Variants in ERBB4 observed in about 807,000 individuals in gnomAD.
The protein encoded by ERBB4 is erb-b2 receptor tyrosine kinase 4.
A neutral mutation model predicts 158.0 loss-of-function variants in ERBB4; 42 were observed. The ratio of observed to expected loss-of-function variants is 0.27; its 90% CI spans 0.21 to 0.34. ERBB4 has a LOEUF of 0.34. Among genes scored for constraint, ERBB4 ranks in the 10% least tolerant of loss-of-function variants. The pLI is 1.00. For synonymous variants in ERBB4, 583 were observed against 558.7 expected (o/e 1.04, Z -0.61); for missense variants, 1,333 against 1,624.1 (o/e 0.82, Z 3.08).
At chr2:211,804,114 A>G (rs1302396116) in intron 3 of ERBB4, among the ~76,000 whole-genome samples, 1 of 152,194 alleles carries the variant, frequency 6.6e-6, no homozygotes, top group Admixed American at 6.5e-5. Context: ...TCCACGTGTA[A>G]ATTTTGAATA....
intron 1 of ERBB4, among the ~76,000 whole-genome samples, chr2:212,465,299 G>T (rs1688777018): frequency 6.6e-6 from 1 of 151,938 alleles, no homozygotes; most frequent in Non-Finnish European, 1.5e-5. Context: ...CTAAAGTTAA[G>T]CCCTGACAAC....
At chr2:212,269,919 A>C (rs1472799602) in intron 1 of ERBB4, among the ~76,000 whole-genome samples, 4 of 151,788 alleles carry the variant, frequency 2.6e-5, no homozygotes, top group Non-Finnish European at 5.9e-5. Flanking sequence ...CACGTCAAAG[A>C]AATTCAATAT....
At chr2:212,512,973 G>A (rs1691608707) in intron 1 of ERBB4, among the ~76,000 whole-genome samples, 1 of 151,956 alleles carries the variant, frequency 6.6e-6, no homozygotes, top group African/African-American at 2.4e-5. Flanking sequence ...AACTATTGTT[G>A]CAGTTTCCCC....
chr2:211,480,329 C>T lies in ERBB4; in HGVS notation c.2488-49229G>A, dbSNP rs113733122. On this transcript the variant is annotated intron_variant, in intron 20 of 27. Transcript: ENST00000342788. ...AAATCTCATGTCGAATTGTAATCCA[C>T]GGCATTGGGAGAGGGACCTGGTGAG... Among the ~76,000 whole-genome samples the T allele has an allele frequency of 6.6e-3, 1,006 of 152,242 alleles. 18 individuals are homozygous for T. Among genetic ancestry groups the T allele is most frequent in the African/African-American group, 0.023 (957 of 41,524 alleles).
chr2:211,750,566 G>T, intron 5 of ERBB4, 73 bp downstream of exon 5: 2 of 1,253,152 alleles, frequency 1.6e-6, no homozygotes, highest in Non-Finnish European at 2.3e-6. Context: ...GATGACCAGA[G>T]GCATGAAATG....
At chr2:211,586,071 T>G (rs2125782139) in intron 19 of ERBB4, among the ~76,000 whole-genome samples, 1 of 152,260 alleles carries the variant, frequency 6.6e-6, no homozygotes, top group African/African-American at 2.4e-5. Flanking sequence ...TGTGATGAAG[T>G]AGAGTTTTAT....
chr2:212,168,463 A>C (rs2081416426), intron 1 of ERBB4, among the ~76,000 whole-genome samples: 1 of 152,126 alleles, frequency 6.6e-6, no homozygotes, highest in Non-Finnish European at 1.5e-5. Context: ...TTCAAGAGAC[A>C]GTTTCTAATG....
chr2:212,307,272 G>A (rs12468462), intron 1 of ERBB4, among the ~76,000 whole-genome samples: 31,737 of 150,726 alleles, frequency 0.21, 3,536 homozygotes, highest in South Asian at 0.31. Context: ...AAGAGATGAG[G>A]AGAGCAAAGA....
In ERBB4 at chr2:212,466,578, G is replaced by T. The variant is rs188423018; in HGVS notation, c.82+71871C>A. Among the ~76,000 whole-genome samples, 861 of 152,272 alleles carry T rather than the reference G, an allele frequency of 5.7e-3. 2 individuals carry two copies. The highest frequency in any genetic ancestry group is 0.02 in the African/African-American group (822 of 41,550). On this transcript the variant is annotated intron_variant, in intron 1 of 27. Transcript: ENST00000342788. ...CTGCCATCCAAGTAAGATATGACTT[G>T]CTCCTACTTGCCTTCTGCCATGATT...
At chr2:211,854,506 G>C (rs13029161) in intron 3 of ERBB4, among the ~76,000 whole-genome samples, 33,000 of 151,992 alleles carry the variant, frequency 0.22, 3,719 homozygotes, top group South Asian at 0.33. Context: ...CCTTTCAACA[G>C]GCAATGCCAT....
chr2:211,783,429 C>G (rs896104175), intron 4 of ERBB4, among the ~76,000 whole-genome samples: 4 of 152,252 alleles, frequency 2.6e-5, no homozygotes, highest in African/African-American at 9.6e-5. Context: ...TGAGAGAGGG[C>G]ATCCCTGTCT....
chr2:211,913,623 G>A (rs879634200), intron 3 of ERBB4, among the ~76,000 whole-genome samples: 7,488 of 97,620 alleles, frequency 0.077, 246 homozygotes, highest in Non-Finnish European at 0.12. Flanking sequence ...ATATATATGT[G>A]TGTGTGTGTG....
intron 2 of ERBB4, among the ~76,000 whole-genome samples, chr2:212,095,042 T>C (rs12618100): frequency 0.69 from 104,576 of 151,996 alleles, 40,354 homozygotes; most frequent in East Asian, 1. Context: ...TCAAAAGTAA[T>C]ATTCTTGGGG....
At chr2:211,807,697 T>C (rs1284566798) in intron 3 of ERBB4, among the ~76,000 whole-genome samples, 1 of 152,018 alleles carries the variant, frequency 6.6e-6, no homozygotes, top group Non-Finnish European at 1.5e-5. Context: ...TTTCTATTTC[T>C]AGATCCTTGA....
chr2:211,561,693 A>G, intron 20 of ERBB4: 1 of 563,638 alleles, frequency 1.8e-6, no homozygotes. Context: ...TTCAATAAAA[A>G]TGATACAACA....
At chr2:211,993,275 T>C (rs1235692462) in intron 2 of ERBB4, among the ~76,000 whole-genome samples, 3 of 152,070 alleles carry the variant, frequency 2.0e-5, no homozygotes, top group African/African-American at 2.4e-5. Flanking sequence ...GAAGAAACAC[T>C]TGAGATTCAT....
At chr2:212,214,626 G>T (rs2083040298) in intron 1 of ERBB4, among the ~76,000 whole-genome samples, 1 of 151,372 alleles carries the variant, frequency 6.6e-6, no homozygotes, top group Admixed American at 6.6e-5. Context: ...CATAGAGCAA[G>T]AACTGGAATT....
At chr2:211,691,228 G>C (rs2072802566) in intron 12 of ERBB4, among the ~76,000 whole-genome samples, 1 of 152,018 alleles carries the variant, frequency 6.6e-6, no homozygotes, top group East Asian at 1.9e-4. Flanking sequence ...GGTAGCCTTG[G>C]GCAATTACTT....
rs1024018886 is a variant in ERBB4 at position 212,113,527 on chromosome 2, T to C, written c.234+11225A>G. ...AGGCGGAGCTTGCAGTGAGCCGAGA[T>C]CATGCCACCGCACTCCAGCCTCAGT... On this transcript the variant is annotated intron_variant, in intron 2 of 27. Coordinates refer to ENST00000342788, the MANE Select transcript of ERBB4 (RefSeq NM_005235.3). 2.2e-4 allele frequency among the ~76,000 whole-genome samples: 27 copies of C among 122,096 alleles called. 1 individual carries two copies. Among genetic ancestry groups the C allele is most frequent in the Non-Finnish European group, 1.9e-4 (12 of 63,244 alleles). The allele number at this position is 122,096 out of a possible 152,430, so 80.1% of individuals were successfully genotyped here.
Sources: gnomAD v4.1 joint callset for allele counts (sites outside exome capture counted in the v4.1 genomes callset) on GRCh38, gnomAD v4.1.1 for gene constraint, MANE v1.5 for transcripts, NCBI Gene and HGNC (gene_info 2026-07-23, HGNC 2026-07-21) for gene names.